The following NOTUM variants were observed in gnomAD, a reference collection of about 807,000 sequenced individuals.
NOTUM encodes notum, palmitoleoyl-protein carboxylesterase, also known as palmitoleoyl-protein carboxylesterase NOTUM.
NOTUM carries 36 observed loss-of-function variants against 65.5 expected under a neutral mutation model. The ratio of observed to expected loss-of-function variants is 0.55; its 90% confidence interval spans 0.42 to 0.73. NOTUM has a LOEUF of 0.73. Among genes scored for constraint, NOTUM ranks in the 30% least tolerant of loss-of-function variants. NOTUM has a pLI of 0.00. For missense variants in NOTUM, 659 were observed against 694.2 expected, an observed-to-expected ratio of 0.95 and a Z score of 0.57; for synonymous variants, 356 against 297.9, an observed-to-expected ratio of 1.20 and a Z score of -2.01.
intron 5 of NOTUM, 104 bp downstream of exon 5, chr17:81,958,231 C>G: frequency 1.3e-6 from 1 of 779,284 alleles, no homozygotes; most frequent in East Asian, 2.5e-5. Flanking sequence ...TCCCCAGAAC[C>G]CCTGCCGTCC....
intron 3 of NOTUM, 106 bp from the exon 4 acceptor site, chr17:81,959,101 G>T: frequency 1.0e-6 from 1 of 964,722 alleles, no homozygotes; most frequent in Non-Finnish European, 1.7e-6. Context: ...CCCAGGAAGG[G>T]AGGTGTGCTG....
chr17:81,960,235 G>T lies in NOTUM; in HGVS notation c.323+352C>A, dbSNP rs942563372. Reference sequence around the variant, plus strand: ...CTTTTATCTACTTCGGGGCTGCAAGGAGGTGGGCAGCGGGCCTCTCCCCGC... The same window carrying T: ...CTTTTATCTACTTCGGGGCTGCAAGTAGGTGGGCAGCGGGCCTCTCCCCGC... On this transcript the variant is annotated intron_variant, in intron 1 of 10. Coordinates refer to ENST00000409678, the MANE Select transcript of NOTUM (RefSeq NM_178493.6). This position sits in a 1 kb window ranked among gnomAD's most constrained non-coding sequence, Gnocchi z 6.4. Among the ~76,000 whole-genome samples the T allele has an allele frequency of 2.6e-5, 4 of 152,236 alleles. No homozygotes were observed. The highest frequency in any genetic ancestry group is 9.6e-5 in the African/African-American group (4 of 41,470).
intron 10 of NOTUM, among the ~76,000 whole-genome samples, 173 bp from the exon 11 acceptor site, chr17:81,953,440 C>A (rs2041402930): frequency 1.3e-5 from 2 of 150,060 alleles, no homozygotes; most frequent in African/African-American, 4.9e-5. Flanking sequence ...GGATTACAGG[C>A]GTGTGCCACC....
Position 81,960,543 on chromosome 17 carries a change from GGGC to G in NOTUM, c.323+41_323+43del. On this transcript the variant is annotated intron_variant, in intron 1 of 10. Coordinates refer to ENST00000409678, the MANE Select transcript of NOTUM (RefSeq NM_178493.6). The surrounding 1 kb of genome is among the most constrained non-coding windows in gnomAD (Gnocchi z 6.4). Reference sequence around the variant, plus strand: ...CGCAGGGAAGGTCCAGCCGGAGACCGGGCGCGTCGGGCGGGGCGGGGAGGTGCA... The same window carrying G: ...CGCAGGGAAGGTCCAGCCGGAGACCGGCGTCGGGCGGGGCGGGGAGGTGCA... 7.5e-7 allele frequency: 1 copy of G among 1,331,334 alleles called. No individual in the cohort carries two copies. Among genetic ancestry groups the G allele is most frequent in the Non-Finnish European group, 1.0e-6 (1 of 996,012 alleles). The allele number at this position is 1,331,334 out of a possible 1,614,324, so 82.5% of individuals were successfully genotyped here.
At chr17:81,957,781 T>G (rs2041444465) in intron 6 of NOTUM, 25 bp downstream of exon 6, 6 of 1,514,054 alleles carry the variant, frequency 4.0e-6, no homozygotes, top group Non-Finnish European at 4.5e-6. Flanking sequence ...ACCCCTCACC[T>G]CCAGCCCTGC....
In NOTUM at chr17:81,957,863, C is replaced by T. The variant is rs371993979; in HGVS notation, c.638G>A (p.Arg213Gln). Residue 213 changes from arginine (R) to glutamine (Q), a missense_variant, in exon 6 of 11, where the codon CGG (arginine) becomes CAG (glutamine). By Grantham distance (43) the Arg-to-Gln change is conservative. Transcript: ENST00000409678. ...MGALIIQEVV[R>Q]ELLGRGLSGA... is the part of the protein sequence containing the mutation. Reference sequence around the variant, plus strand: ...GCTCAGCCCTCTGCCCAGAAGCTCCCGCACCACCTCCTGGATGATGAGGGC... The same window carrying T: ...GCTCAGCCCTCTGCCCAGAAGCTCCTGCACCACCTCCTGGATGATGAGGGC... 17 of 1,609,160 alleles carry T rather than the reference C, an allele frequency of 1.1e-5. No homozygotes were observed. Among genetic ancestry groups the T allele is most frequent in the East Asian group, 4.5e-5 (2 of 44,658 alleles).
chr17:81,960,785 G>T lies in NOTUM; in HGVS notation c.125C>A (p.Ala42Glu). 6.4e-7 allele frequency: 1 copy of T among 1,562,604 alleles called. No homozygotes were observed. ...QPPPPPRTEA[A>E]PAAGQPVESF... ...CTCCACGGGCTGTCCGGCCGCCGGCGCCGCCTCGGTCCGCGGGGGAGGAGG... is the reference window on the plus strand; with the variant it reads ...CTCCACGGGCTGTCCGGCCGCCGGCTCCGCCTCGGTCCGCGGGGGAGGAGG... Residue 42 changes from alanine (A) to glutamate (E), a missense_variant, in exon 1 of 11, where the codon GCG becomes GAG. Ala to Glu is a moderately radical substitution (Grantham distance 107). Coordinates refer to ENST00000409678, the MANE Select transcript of NOTUM (RefSeq NM_178493.6). The surrounding 1 kb of genome is among the most constrained non-coding windows in gnomAD (Gnocchi z 6.4).
chr17:81,959,697 G>A lies in NOTUM; in HGVS notation c.324-5C>T, dbSNP rs569568216. 21 of 1,472,242 alleles carry A rather than the reference G, an allele frequency of 1.4e-5. No homozygotes were observed. The highest frequency in any genetic ancestry group is 8.7e-5 in the East Asian group (3 of 34,658). 91.2% of individuals were successfully genotyped at this position (1,472,242 alleles called of 1,614,324 possible). A position where few individuals can be genotyped will look rare whatever the true frequency, so the allele number is the denominator to read the frequency against. ...CTGGACTCCTTCAGGTAGTAGCTGC[G>A]GGGGAGGACGCACCGCGGGGGGTCG... On this transcript the variant is annotated splice_region_variant and splice_polypyrimidine_tract_variant and intron_variant, in intron 1 of 10. Transcript: ENST00000409678.
Position 81,960,798 on chromosome 17 carries a change from G to T in NOTUM, c.112C>A (p.Arg38=). Residue 38 remains arginine, a synonymous_variant, in exon 1 of 11, where the codon CGG becomes AGG. Coordinates refer to ENST00000409678, the MANE Select transcript of NOTUM (RefSeq NM_178493.6). This position sits in a 1 kb window ranked among gnomAD's most constrained non-coding sequence, Gnocchi z 6.4. ...RRGQQPPPPP[R]TEAAPAAGQP... ...CCGGCCGCCGGCGCCGCCTCGGTCCGCGGGGGAGGAGGCGGCTGCTGACCC... is the reference window on the plus strand; with the variant it reads ...CCGGCCGCCGGCGCCGCCTCGGTCCTCGGGGGAGGAGGCGGCTGCTGACCC... The T allele has an allele frequency of 1.3e-6, 2 of 1,550,616 alleles. No homozygotes were observed. The highest frequency in any genetic ancestry group is 1.7e-6 in the Non-Finnish European group (2 of 1,149,316).
In NOTUM at chr17:81,953,137, T is replaced by C; in HGVS notation, c.1315A>G (p.Ser439Gly). The change falls in exon 11 of 11, where the codon AGC (serine) becomes GGC (glycine). Residue 439 changes from serine to glycine, a missense_variant. By Grantham distance (56) the Ser-to-Gly change is moderately conservative (BLOSUM62 0). Transcript: ENST00000409678. ...LKGCPVHLVD[S>G]CPWPHCNPSC... Reference sequence around the variant, plus strand: ...GGGTTGCAGTGGGGCCAGGGGCAGCTGTCCACCAGGTGGACGGGGCAGCCC... The same window carrying C: ...GGGTTGCAGTGGGGCCAGGGGCAGCCGTCCACCAGGTGGACGGGGCAGCCC... 1.9e-6 allele frequency: 3 copies of C among 1,613,120 alleles called. No individual in the cohort carries two copies. Among genetic ancestry groups the C allele is most frequent in the Non-Finnish European group, 2.5e-6 (3 of 1,179,332 alleles).
chr17:81,954,029 C>T (rs561515159), intron 10 of NOTUM, among the ~76,000 whole-genome samples: 1 of 152,076 alleles, frequency 6.6e-6, no homozygotes, highest in African/African-American at 2.4e-5. Flanking sequence ...CCACCTGCCT[C>T]AACCTCCCAA....
intron 3 of NOTUM, 66 bp downstream of exon 3, chr17:81,959,405 A>C (rs896215333): frequency 7.1e-6 from 9 of 1,261,012 alleles, no homozygotes; most frequent in Non-Finnish European, 1.0e-5. Flanking sequence ...CTGGGGCTCC[A>C]GGAGGCGGGC....
chr17:81,960,592 G>C lies in NOTUM; in HGVS notation c.318C>G (p.Pro106=), dbSNP rs1403478628. ...NTSVTCNDGS[P]AGYYLKESRG... Reference sequence around the variant, plus strand: ...GTGCAGGGCGCGGGCCTTACCCGGCGGGGCTGCCGTCGTTGCAGGTCACCG... The same window carrying C: ...GTGCAGGGCGCGGGCCTTACCCGGCCGGGCTGCCGTCGTTGCAGGTCACCG... The change falls in exon 1 of 11, where the codon CCC becomes CCG. Residue 106 remains proline (P), a synonymous_variant. Coordinates refer to ENST00000409678, the MANE Select transcript of NOTUM (RefSeq NM_178493.6). The surrounding 1 kb of genome is among the most constrained non-coding windows in gnomAD (Gnocchi z 6.4). 1 of 1,501,470 alleles carries C rather than the reference G, an allele frequency of 6.7e-7. No individual in the cohort carries two copies. Among genetic ancestry groups the C allele is most frequent in the Non-Finnish European group, 9.0e-7 (1 of 1,113,154 alleles). The allele number at this position is 1,501,470 out of a possible 1,614,324, so 93.0% of individuals were successfully genotyped here.
At chr17:81,956,225 T>A (rs1399357340) in intron 8 of NOTUM, among the ~76,000 whole-genome samples, 1 of 152,154 alleles carries the variant, frequency 6.6e-6, no homozygotes, top group African/African-American at 2.4e-5. Flanking sequence ...GATGATGCCC[T>A]TGCATATAAC....
At chr17:81,959,428 C>A (rs897110366) in intron 3 of NOTUM, 43 bp downstream of exon 3, 1 of 1,452,490 alleles carries the variant, frequency 6.9e-7, no homozygotes, top group South Asian at 1.2e-5. Flanking sequence ...GGCTTCCTCC[C>A]GGGCCTCACG....
intron 4 of NOTUM, 26 bp from the exon 5 acceptor site, chr17:81,958,419 G>T (rs747404806): frequency 1.9e-6 from 3 of 1,571,858 alleles, no homozygotes; most frequent in Non-Finnish European, 2.6e-6. Flanking sequence ...GAGTGAGCCT[G>T]TCACAGCGCC....
In NOTUM at chr17:81,956,658, G is replaced by A. The variant is rs369826654; in HGVS notation, c.980C>T (p.Thr327Ile). ...CTCTGCCGCCCACTCACAGCGCAGG[G>A]TCGGGTAGACCTTGTAGCCAAAGAA... ...NCFFGYKVYP[T>I]LRCPVFVVQW... Residue 327 changes from threonine to isoleucine, a missense_variant, in exon 8 of 11, where the codon ACC becomes ATC. Coordinates refer to ENST00000409678, the MANE Select transcript of NOTUM (RefSeq NM_178493.6). 2.8e-4 allele frequency: 445 copies of A among 1,610,240 alleles called. 2 individuals are homozygous for A. The highest frequency in any genetic ancestry group is 3.5e-4 in the Non-Finnish European group (408 of 1,177,570).
chr17:81,957,471 G>A (rs2041442093), intron 6 of NOTUM, among the ~76,000 whole-genome samples: 1 of 151,994 alleles, frequency 6.6e-6, no homozygotes, highest in Non-Finnish European at 1.5e-5. Flanking sequence ...CTCATCTACC[G>A]GGCCCTGGAG....
At position 81,957,853 on chromosome 17, in the gene NOTUM, C is replaced by T. The variant is rs1422843094; in HGVS notation, c.648G>A (p.Leu216=). The T allele has an allele frequency of 6.2e-7, 1 of 1,609,722 alleles. No homozygotes were observed. Among genetic ancestry groups the T allele is most frequent in the South Asian group, 1.1e-5 (1 of 90,132 alleles). The change falls in exon 6 of 11, where the codon CTG becomes CTA. Residue 216 remains leucine (L), a synonymous_variant. Transcript: ENST00000409678. ...CCTTGGCCCCGCTCAGCCCTCTGCC[C>T]AGAAGCTCCCGCACCACCTCCTGGA... ...LIIQEVVREL[L]GRGLSGAKVL... is the part of the protein sequence containing the mutation.
Sources: allele counts gnomAD v4.1 joint callset (sites outside exome capture counted in the v4.1 genomes callset), GRCh38; gene constraint gnomAD v4.1.1; non-coding constraint Gnocchi (gnomAD v3.1); transcripts MANE v1.5; gene names NCBI Gene and HGNC (gene_info 2026-07-23, HGNC 2026-07-21).